SLC25A40: variants seen among roughly 807,000 people sequenced by gnomAD.
The protein encoded by SLC25A40 is solute carrier family 25 member 40.
In SLC25A40, 41 loss-of-function variants were observed where a neutral mutation model predicts 46.5. That is an observed-to-expected ratio of 0.88 (90% CI 0.69 to 1.14). The LOEUF (loss-of-function observed/expected upper bound fraction) is 1.14, where lower values mean the gene tolerates loss of function less well. Ranked by LOEUF, SLC25A40 falls within the 50% of genes most tolerant of loss-of-function variation. The pLI is 0.00. For missense variants in SLC25A40, 386 were observed against 393.6 expected, an observed-to-expected ratio of 0.98 and a Z score of 0.16; for synonymous variants, 126 against 127.5, an observed-to-expected ratio of 0.99 and a Z score of 0.08.
At chr7:87,858,866 T>G in intron 2 of SLC25A40, 115 bp from the exon 3 acceptor site, 1 of 636,364 alleles carries the variant, frequency 1.6e-6, no homozygotes, top group Non-Finnish European at 2.8e-6. Context: ...TAAGAGAGAA[T>G]TAACCAAACA....
intron 3 of SLC25A40, 96 bp from the exon 4 acceptor site, chr7:87,856,447 C>T (rs17336922): frequency 0.015 from 14,091 of 938,342 alleles, 164 homozygotes; most frequent in Non-Finnish European, 0.021. Flanking sequence ...CATACTTTTC[C>T]TCATGGCTAT....
rs752133966 is a variant in SLC25A40 at position 87,841,670 on chromosome 7, TTG to T, written c.784_785del (p.Gln262LysfsTer9). On this transcript the variant is annotated frameshift_variant, in exon 10 of 12. Transcript: ENST00000341119. LOFTEE classifies it high-confidence loss of function. ...CATATGTCCAAAGTTGTGTCTGCTT[TTG>T]TGTTTTTACTACATCAAATGGTAAA... Reference protein sequence around the residue: ...ATLPFDVVKTQKQTQLWTYES... With the variant: ...ATLPFDVVKTXKQTQLWTYES... The T allele has an allele frequency of 4.4e-5, 68 of 1,530,832 alleles. No homozygotes were observed. Among genetic ancestry groups the T allele is most frequent in the Non-Finnish European group, 4.4e-5 (50 of 1,138,034 alleles). The allele number at this position is 1,530,832 out of a possible 1,614,324, so 94.8% of individuals were successfully genotyped here.
intron 7 of SLC25A40, 137 bp downstream of exon 7, chr7:87,847,716 T>C (rs1838442629): frequency 1.2e-6 from 1 of 818,066 alleles, no homozygotes; most frequent in South Asian, 2.7e-5. Context: ...TATACTATAT[T>C]AACAAATTAA....
At chr7:87,839,412 A>G (rs565074822) in intron 10 of SLC25A40, among the ~76,000 whole-genome samples, 1 of 148,890 alleles carries the variant, frequency 6.7e-6, no homozygotes, top group East Asian at 2.0e-4. Context: ...AAAATTAAAT[A>G]TTGCTTGAGT....
chr7:87,857,641 C>T (rs771185169), intron 3 of SLC25A40, among the ~76,000 whole-genome samples: 1 of 152,194 alleles, frequency 6.6e-6, no homozygotes, highest in Non-Finnish European at 1.5e-5. Context: ...TTTCTTACCC[C>T]TGTCTTACTT....
intron 1 of SLC25A40, among the ~76,000 whole-genome samples, chr7:87,865,897 CATG>C (rs1213141754): frequency 1.3e-5 from 2 of 151,970 alleles, no homozygotes; most frequent in Non-Finnish European, 2.9e-5. Flanking sequence ...GCATGGGCAA[CATG>C]GTGAAACCCC....
In SLC25A40 at chr7:87,836,764, A is replaced by C; in HGVS notation, c.870T>G (p.Ile290Met). 1.9e-6 allele frequency: 3 copies of C among 1,545,770 alleles called. No homozygotes were observed. The highest frequency in any genetic ancestry group is 2.6e-6 in the Non-Finnish European group (3 of 1,151,548). Residue 290 changes from isoleucine to methionine, a missense_variant, in exon 11 of 12, where the codon ATT becomes ATG. By Grantham distance (10) the Ile-to-Met change is conservative. Transcript: ENST00000341119. Reference sequence around the variant, plus strand: ...ATCCGGAAAATCCATTTTTAGCAACAATGTTCTTCATTATAATCCAGGTTG... The same window carrying C: ...ATCCGGAAAATCCATTTTTAGCAACCATGTTCTTCATTATAATCCAGGTTG... ...HMSTWIIMKN[I>M]VAKNGFSGLF...
rs550861898 is a variant in SLC25A40, at chr7:87,871,091, C to T, written c.-94+5005G>A. 1.6e-4 allele frequency among the ~76,000 whole-genome samples: 24 copies of T among 152,306 alleles called. No individual in the cohort carries two copies. In the South Asian group the frequency reaches 5.0e-3, roughly 32 times the overall value. ...CTTGCTGGCGCCCAAAAGCACTCGCCCTAGCTTCTGCATCCACTCACCTGC... is the reference window on the plus strand; with the variant it reads ...CTTGCTGGCGCCCAAAAGCACTCGCTCTAGCTTCTGCATCCACTCACCTGC... On this transcript the variant is annotated intron_variant, in intron 1 of 11. Coordinates refer to ENST00000341119, the MANE Select transcript of SLC25A40 (RefSeq NM_018843.4).
chr7:87,844,529 TTGTCACTATAATTCAAAAA>T (rs1838383347), intron 8 of SLC25A40, among the ~76,000 whole-genome samples: 5 of 152,122 alleles, frequency 3.3e-5, no homozygotes, highest in Admixed American at 2.0e-4. Context: ...ATGTTCATTA[TTGTCACTATAATTCAAAAA>T]TTCACTGGGC....
chr7:87,839,689 T>A (rs188492952), intron 10 of SLC25A40, among the ~76,000 whole-genome samples: 1 of 151,782 alleles, frequency 6.6e-6, no homozygotes, highest in Non-Finnish European at 1.5e-5. Context: ...CAGTAGATTA[T>A]GAGCTCTTTG....
chr7:87,850,204 GAA>G (rs1218511073), intron 5 of SLC25A40, among the ~76,000 whole-genome samples: 1 of 151,944 alleles, frequency 6.6e-6, no homozygotes, highest in Non-Finnish European at 1.5e-5. Flanking sequence ...TAAGAGCTTA[GAA>G]AAAAAGCTTT....
At chr7:87,861,732 C>T (rs943760167) in intron 1 of SLC25A40, among the ~76,000 whole-genome samples, 8 of 152,104 alleles carry the variant, frequency 5.3e-5, no homozygotes, top group South Asian at 2.1e-4. Flanking sequence ...AATGGTAAAA[C>T]GGCCCACAGC....
chr7:87,863,190 A>G (rs1017087399), intron 1 of SLC25A40, among the ~76,000 whole-genome samples: 1 of 152,128 alleles, frequency 6.6e-6, no homozygotes, highest in East Asian at 1.9e-4. Flanking sequence ...TTTTAAAAAA[A>G]TACTTAGGAA....
intron 3 of SLC25A40, among the ~76,000 whole-genome samples, chr7:87,858,297 C>T (rs1278011170): frequency 6.6e-6 from 1 of 152,194 alleles, no homozygotes; most frequent in African/African-American, 2.4e-5. Context: ...TGTCCTGTTT[C>T]CTCAGAAGCA....
chr7:87,841,798 ATTT>A, intron 9 of SLC25A40, 84 bp from the exon 10 acceptor site: 1 of 693,452 alleles, frequency 1.4e-6, no homozygotes. Context: ...TTAGTATATT[ATTT>A]AAGGATAATG....
chr7:87,874,439 GAA>G (rs1219586211), intron 1 of SLC25A40, among the ~76,000 whole-genome samples: 2 of 151,948 alleles, frequency 1.3e-5, no homozygotes, highest in African/African-American at 4.8e-5. Flanking sequence ...AAATTTTTTT[GAA>G]AGAGTACACT....
intron 1 of SLC25A40, among the ~76,000 whole-genome samples, chr7:87,864,682 C>T (rs543105031): frequency 5.3e-5 from 8 of 152,314 alleles, no homozygotes; most frequent in African/African-American, 1.9e-4. Flanking sequence ...CCCATCCCTT[C>T]ATTTTCAAAT....
At chr7:87,862,290 T>C (rs746645759) in intron 1 of SLC25A40, among the ~76,000 whole-genome samples, 1 of 152,226 alleles carries the variant, frequency 6.6e-6, no homozygotes, top group Non-Finnish European at 1.5e-5. Flanking sequence ...GAACATCTCA[T>C]GAAGAAATGT....
intron 1 of SLC25A40, among the ~76,000 whole-genome samples, chr7:87,861,139 T>A (rs952639023): frequency 1.3e-5 from 2 of 152,182 alleles, no homozygotes; most frequent in African/African-American, 4.8e-5. Context: ...GGATGCCACA[T>A]AACAGTAGAA....
Sources: gnomAD v4.1 joint callset for allele counts (sites outside exome capture counted in the v4.1 genomes callset) on GRCh38, gnomAD v4.1.1 for gene constraint, MANE v1.5 for transcripts, NCBI Gene and HGNC (gene_info 2026-07-23, HGNC 2026-07-21) for gene names.